Variants in SNX25 observed in about 807,000 individuals in gnomAD.
The protein encoded by SNX25 is sorting nexin-25.
A neutral mutation model predicts 113.7 loss-of-function variants in SNX25; 62 were observed. The ratio of observed to expected loss-of-function variants is 0.55; its 90% confidence interval spans 0.44 to 0.67. The LOEUF is 0.67. Ranked by LOEUF, SNX25 falls within the 30% of genes least tolerant of loss-of-function variation. The probability of loss-of-function intolerance (pLI) is 0.00; values close to 1 mark genes in which losing one functional copy is unlikely to be tolerated. For synonymous variants in SNX25, 421 were observed against 436.2 expected (o/e 0.97, Z 0.43); for missense variants, 1,014 against 1,161.0 (o/e 0.87, Z 1.84).
At chr4:185,375,720 A>G in the SNX25 span, 3 of 1,599,952 alleles carry the variant, frequency 1.9e-6, no homozygotes, top group Non-Finnish European at 2.6e-6. Context: ...GCTTCTTCAT[A>G]CCATCCCTAG....
chr4:185,344,166 A>C (rs1402124503), intron 12 of SNX25, among the ~76,000 whole-genome samples: 1 of 152,212 alleles, frequency 6.6e-6, no homozygotes, highest in African/African-American at 2.4e-5. Flanking sequence ...GGTTGCAGTG[A>C]GTCAGGATCA....
chr4:185,295,142 T>C (rs1007824389), intron 6 of SNX25, among the ~76,000 whole-genome samples: 1 of 152,166 alleles, frequency 6.6e-6, no homozygotes, highest in Non-Finnish European at 1.5e-5. Flanking sequence ...CTCCCCAAAA[T>C]ATAATTGTTG....
chr4:185,231,077 A>T (rs1741762639), intron 1 of SNX25, among the ~76,000 whole-genome samples: 2 of 149,898 alleles, frequency 1.3e-5, no homozygotes, highest in African/African-American at 4.9e-5. Flanking sequence ...TGTCTTAATA[A>T]CATGTTTCTT....
At chr4:185,217,856 A>G (rs1228918965) in intron 1 of SNX25, among the ~76,000 whole-genome samples, 2 of 152,204 alleles carry the variant, frequency 1.3e-5, no homozygotes, top group Admixed American at 6.6e-5. Context: ...ATAATTGCAT[A>G]CCACCTTGCC....
Position 185,323,760 on chromosome 4 carries a change from A to G in SNX25, c.1709A>G (p.Glu570Gly), listed in dbSNP as rs1292909088. The G allele has an allele frequency of 1.2e-6, 2 of 1,613,664 alleles. No individual in the cohort carries two copies. Among genetic ancestry groups the G allele is most frequent in the Middle Eastern group, 1.7e-4 (1 of 6,058 alleles). Reference protein sequence around the residue: ...LYEKLLIKEEEKHASQMISNK... With the variant: ...LYEKLLIKEEGKHASQMISNK... ...GAGAAATTGTTGATAAAAGAGGAAG[A>G]AAAACATGCCTCACAGATGATTTCC... Residue 570 changes from glutamate to glycine, a missense_variant, in exon 9 of 19, where the codon GAA becomes GGA. By Grantham distance (98) the Glu-to-Gly change is moderately conservative. Coordinates refer to ENST00000652585, the MANE Select transcript of SNX25 (RefSeq NM_001378034.2).
In SNX25 at chr4:185,210,153, C is replaced by A; in HGVS notation, c.327C>A (p.Ile109=). 1.0e-6 allele frequency: 1 copy of A among 984,100 alleles called. No individual in the cohort carries two copies. The highest frequency in any genetic ancestry group is 1.2e-6 in the Non-Finnish European group (1 of 829,546). 61.0% of individuals were successfully genotyped at this position (984,100 alleles called of 1,614,324 possible). A position where few individuals can be genotyped will look rare whatever the true frequency, so the allele number is the denominator to read the frequency against. The change falls in exon 1 of 19, where the codon ATC becomes ATA. Residue 109 remains isoleucine, a synonymous_variant. Coordinates refer to ENST00000652585, the MANE Select transcript of SNX25 (RefSeq NM_001378034.2). The surrounding 1 kb of genome is among the most constrained non-coding windows in gnomAD (Gnocchi z 4.4). ...CGGCGGCCGCCTTCCTGCTGGGGAT[C>A]CTGTTTGCCCTCGTCTGCCGGAGCC... ...SCAAAAFLLG[I]LFALVCRSPR...
intron 1 of SNX25, among the ~76,000 whole-genome samples, chr4:185,242,936 G>A (rs963362829): frequency 2.0e-5 from 3 of 152,176 alleles, no homozygotes; most frequent in Non-Finnish European, 4.4e-5. Flanking sequence ...TTTGGCCCAT[G>A]AGGTGTTTTT....
At chr4:185,248,615 C>T (rs530145309) in intron 2 of SNX25, among the ~76,000 whole-genome samples, 6 of 151,806 alleles carry the variant, frequency 4.0e-5, no homozygotes, top group African/African-American at 7.2e-5. Flanking sequence ...ATTGCACCAC[C>T]GCACTCCAGC....
chr4:185,378,054 G>A, the SNX25 span: 1 of 1,565,470 alleles, frequency 6.4e-7, no homozygotes, highest in African/African-American at 1.4e-5. Flanking sequence ...TGTTTTCCAA[G>A]GGAAGCTTAA....
intron 6 of SNX25, among the ~76,000 whole-genome samples, chr4:185,298,260 T>G (rs1419670646): frequency 6.6e-6 from 1 of 151,944 alleles, no homozygotes; most frequent in Admixed American, 6.6e-5. Context: ...GGCTAATTTT[T>G]GTATTTTTAG....
intron 6 of SNX25, among the ~76,000 whole-genome samples, chr4:185,301,856 G>T (rs1205780727): frequency 6.6e-6 from 1 of 151,622 alleles, no homozygotes; most frequent in Non-Finnish European, 1.5e-5. Flanking sequence ...CAAAGTGCTG[G>T]GATTACAGGC....
intron 6 of SNX25, among the ~76,000 whole-genome samples, chr4:185,300,721 T>C (rs898023894): frequency 1.3e-5 from 2 of 152,102 alleles, no homozygotes; most frequent in African/African-American, 4.8e-5. Context: ...CAAATTCATA[T>C]GTTGAAACCT....
intron 13 of SNX25, among the ~76,000 whole-genome samples, chr4:185,347,731 A>G (rs1305097603): frequency 6.6e-6 from 1 of 152,158 alleles, no homozygotes; most frequent in Non-Finnish European, 1.5e-5. Context: ...TCGACCTCCC[A>G]AAGTGCTGGG....
chr4:185,352,154 T>C (rs894071764), intron 14 of SNX25, among the ~76,000 whole-genome samples: 1 of 152,160 alleles, frequency 6.6e-6, no homozygotes, highest in Non-Finnish European at 1.5e-5. Flanking sequence ...AGGGAAAGTA[T>C]AGAGCCTGCA....
intron 4 of SNX25, 88 bp downstream of exon 4, chr4:185,264,698 G>A (rs1197809216): frequency 3.0e-6 from 4 of 1,349,500 alleles, no homozygotes; most frequent in Non-Finnish European, 4.1e-6. Flanking sequence ...GAACATATGG[G>A]ATTTGAAGTA....
chr4:185,224,360 T>G (rs545730379), intron 1 of SNX25, among the ~76,000 whole-genome samples: 16 of 145,088 alleles, frequency 1.1e-4, no homozygotes, highest in Admixed American at 2.1e-4. Context: ...TCAAAATATA[T>G]ATATATAAAA....
intron 5 of SNX25, among the ~76,000 whole-genome samples, chr4:185,269,803 A>T (rs3112869): frequency 0.43 from 65,170 of 151,854 alleles, 14,200 homozygotes; most frequent in East Asian, 0.58. Context: ...AACAAACTCT[A>T]AGGCTCAAAC....
At chr4:185,255,699 A>G (rs1746308884) in intron 2 of SNX25, among the ~76,000 whole-genome samples, 1 of 152,132 alleles carries the variant, frequency 6.6e-6, no homozygotes, top group Admixed American at 6.5e-5. Context: ...TTGTTCACCT[A>G]TGTGCAGGAC....
chr4:185,316,048 T>C (rs1354704664), intron 7 of SNX25, among the ~76,000 whole-genome samples: 2 of 152,218 alleles, frequency 1.3e-5, no homozygotes, highest in Non-Finnish European at 2.9e-5. Flanking sequence ...ACAATCAAGA[T>C]AATAAACAGA....
Sources: allele counts gnomAD v4.1 joint callset (sites outside exome capture counted in the v4.1 genomes callset), GRCh38; gene constraint gnomAD v4.1.1; non-coding constraint Gnocchi (gnomAD v3.1); transcripts MANE v1.5; gene names NCBI Gene and HGNC (gene_info 2026-07-23, HGNC 2026-07-21).